The following USP38 variants were observed in gnomAD, a reference collection of about 807,000 sequenced individuals.
The protein encoded by USP38 is ubiquitin specific peptidase 38.
USP38 carries 49 observed loss-of-function variants against 94.3 expected under a neutral mutation model. The ratio of observed to expected loss-of-function variants is 0.52; its 90% confidence interval spans 0.41 to 0.66. The LOEUF (loss-of-function observed/expected upper bound fraction) is 0.66, where lower values mean the gene tolerates loss of function less well. Ranked by LOEUF, USP38 falls within the 30% of genes least tolerant of loss-of-function variation. USP38 has a pLI of 0.00. For missense variants in USP38, 1,128 were observed against 1,229.4 expected (o/e 0.92, Z 1.23); for synonymous variants, 468 against 463.6 (o/e 1.01, Z -0.12).
intron 2 of USP38, among the ~76,000 whole-genome samples, chr4:143,191,699 G>T (rs1731400915): frequency 6.6e-6 from 1 of 152,138 alleles, no homozygotes; most frequent in South Asian, 2.1e-4. Flanking sequence ...ACTAAGTGCT[G>T]GGAATCCAAA....
At position 143,185,205 on chromosome 4, in the gene USP38, C is replaced by T. The variant is rs376172337; in HGVS notation, c.-246C>T. 2.2e-5 allele frequency: 10 copies of T among 454,794 alleles called. No individual in the cohort carries two copies. The East Asian group carries it at 3.8e-4, about 17-fold the overall frequency. 28.2% of individuals were successfully genotyped at this position (454,794 alleles called of 1,614,324 possible). On this transcript the variant is annotated 5_prime_UTR_variant, in exon 1 of 10. Coordinates refer to ENST00000307017, the MANE Select transcript of USP38 (RefSeq NM_032557.6). ...CCCGGGGCGGCGGCGGAGTACGGGCCTCTGGCGCCTTAGGCCAGCCGCAGG... is the reference window on the plus strand; with the variant it reads ...CCCGGGGCGGCGGCGGAGTACGGGCTTCTGGCGCCTTAGGCCAGCCGCAGG...
chr4:143,215,446 G>C (rs1732160405), intron 9 of USP38: 1 of 152,338 alleles, frequency 6.6e-6, no homozygotes, highest in African/African-American at 2.4e-5. Flanking sequence ...GGAGATAATA[G>C]AACAATTGTA....
chr4:143,206,272 G>A, intron 6 of USP38, 46 bp downstream of exon 6: 3 of 1,408,124 alleles, frequency 2.1e-6, no homozygotes, highest in South Asian at 1.5e-5. Context: ...AGAAGTTGAT[G>A]CATGCTGATG....
In USP38 at chr4:143,185,678, C is replaced by T; in HGVS notation, c.228C>T (p.Phe76=). ...EAYARYHRPE[F]ESFFNKTFVL... is the part of the protein sequence containing the mutation. The stretch of plus-strand genomic sequence containing the variant: ...ACGCACGATACCACCGGCCAGAGTT[C>T]GAGTCCTTCTTCAACAAGACCTTCG... Residue 76 remains phenylalanine (F), a synonymous_variant, in exon 1 of 10, where the codon TTC becomes TTT. Coordinates refer to ENST00000307017, the MANE Select transcript of USP38 (RefSeq NM_032557.6). 1 of 1,614,158 alleles carries T rather than the reference C, an allele frequency of 6.2e-7. No individual in the cohort carries two copies. The highest frequency in any genetic ancestry group is 8.5e-7 in the Non-Finnish European group (1 of 1,180,022).
chr4:143,219,685 C>T (rs1732273882), intron 9 of USP38, among the ~76,000 whole-genome samples: 1 of 152,018 alleles, frequency 6.6e-6, no homozygotes, highest in Non-Finnish European at 1.5e-5. Flanking sequence ...AGTTGTATAC[C>T]TTGCCAAATG....
chr4:143,199,606 T>A (rs1294877209), intron 4 of USP38, among the ~76,000 whole-genome samples: 1 of 152,194 alleles, frequency 6.6e-6, no homozygotes, highest in Non-Finnish European at 1.5e-5. Context: ...CCACCAAGTG[T>A]ATAAGTGTTC....
intron 4 of USP38, among the ~76,000 whole-genome samples, chr4:143,201,728 A>G (rs561663028): frequency 6.6e-6 from 1 of 152,274 alleles, no homozygotes; most frequent in South Asian, 2.1e-4. Flanking sequence ...GCAGATAGGA[A>G]TAATGGAGAA....
intron 5 of USP38, 77 bp downstream of exon 5, chr4:143,203,643 C>A (rs1189798604): frequency 1.4e-6 from 2 of 1,433,922 alleles, no homozygotes; most frequent in Non-Finnish European, 1.9e-6. Context: ...ACCAGCTACT[C>A]AATTTACTAT....
chr4:143,213,541 G>A, intron 8 of USP38, 40 bp from the exon 9 acceptor site: 1 of 1,501,386 alleles, frequency 6.7e-7, no homozygotes, highest in Non-Finnish European at 8.9e-7. Context: ...GACATTTGAA[G>A]TTAATTTAAG....
rs1732115115 is a variant in USP38 at position 143,214,163 on chromosome 4, G to A, written c.2187G>A (p.Glu729=). ...TDLLNYFLAP[E]ILTGDNQYYC... ...TACTAAATTATTTTTTGGCTCCAGA[G>A]ATTCTTACTGGTGATAACCAATATT... The change falls in exon 9 of 10, where the codon GAG becomes GAA. Residue 729 remains glutamate, a synonymous_variant. Transcript: ENST00000307017. 2 of 1,612,860 alleles carry A rather than the reference G, an allele frequency of 1.2e-6. No homozygotes were observed. Among genetic ancestry groups the A allele is most frequent in the Admixed American group, 1.7e-5 (1 of 59,790 alleles).
chr4:143,204,661 CAT>C, intron 5 of USP38: 2 of 296,508 alleles, frequency 6.7e-6, no homozygotes, highest in Non-Finnish European at 1.3e-5. Flanking sequence ...GGATTACAGG[CAT>C]GAGCCACTGT....
In USP38 at chr4:143,185,004, G is replaced by T. The variant is rs1356913811; in HGVS notation, c.-447G>T. 3 of 162,694 alleles carry T rather than the reference G, an allele frequency of 1.8e-5. No individual in the cohort carries two copies. Among genetic ancestry groups the T allele is most frequent in the Non-Finnish European group, 2.6e-5 (2 of 75,580 alleles). 10.1% of individuals were successfully genotyped at this position (162,694 alleles called of 1,614,324 possible). On this transcript the variant is annotated 5_prime_UTR_variant, in exon 1 of 10. Coordinates refer to ENST00000307017, the MANE Select transcript of USP38 (RefSeq NM_032557.6). ...CTCCGTGACAGCGCCTCCTGACTCA[G>T]CCCAGGACCGGCTTCTTCTCACGAC... is the stretch of plus-strand genomic sequence containing the variant.
At chr4:143,200,130 T>C (rs1731670346) in intron 4 of USP38, among the ~76,000 whole-genome samples, 1 of 152,118 alleles carries the variant, frequency 6.6e-6, no homozygotes, top group Non-Finnish European at 1.5e-5. Flanking sequence ...CTTGATGTAA[T>C]GAACATCGAT....
intron 4 of USP38, among the ~76,000 whole-genome samples, chr4:143,198,331 C>A (rs1311847136): frequency 6.6e-6 from 1 of 152,192 alleles, no homozygotes; most frequent in African/African-American, 2.4e-5. Flanking sequence ...GTTGACCCCA[C>A]CTTTAAAATA....
rs769547528 is a variant in USP38 at position 143,213,759 on chromosome 4, C to G, written c.1783C>G (p.Arg595Gly). ...LIEKMFGGKL[R>G]THIRCLNCRS... ...AGAAAAAATGTTTGGAGGAAAACTACGAACTCACATACGTTGTTTGAACTG... is the reference window on the plus strand; with the variant it reads ...AGAAAAAATGTTTGGAGGAAAACTAGGAACTCACATACGTTGTTTGAACTG... Residue 595 changes from arginine (R) to glycine (G), a missense_variant, in exon 9 of 10, where the codon CGA becomes GGA. Transcript: ENST00000307017. 3 of 1,613,686 alleles carry G rather than the reference C, an allele frequency of 1.9e-6. No individual in the cohort carries two copies. Among genetic ancestry groups the G allele is most frequent in the African/African-American group, 2.7e-5 (2 of 75,010 alleles).
chr4:143,189,576 C>A (rs1049021875), intron 2 of USP38, among the ~76,000 whole-genome samples: 1 of 152,012 alleles, frequency 6.6e-6, no homozygotes, highest in East Asian at 1.9e-4. Flanking sequence ...CTTTTCACTT[C>A]ATTGTTTAAA....
chr4:143,214,518 C>T lies in USP38; in HGVS notation c.2542C>T (p.His848Tyr). The T allele has an allele frequency of 6.2e-7, 1 of 1,613,552 alleles. No individual in the cohort carries two copies. Among genetic ancestry groups the T allele is most frequent in the Non-Finnish European group, 8.5e-7 (1 of 1,179,790 alleles). Residue 848 changes from histidine (H) to tyrosine (Y), a missense_variant, in exon 9 of 10, where the codon CAC (histidine) becomes TAC (tyrosine). Physicochemically the swap from His to Tyr is moderately conservative, Grantham distance 83 (BLOSUM62 2). Transcript: ENST00000307017. The stretch of plus-strand genomic sequence containing the variant: ...CTATCTATTAAGTTCCGTTGTGGTT[C>T]ACTCTGGTATATCCTCTGAAAGTGG... ...VPYLLSSVVV[H>Y]SGISSESGHY...
intron 5 of USP38, chr4:143,204,570 G>A (rs554681589): frequency 5.6e-6 from 2 of 355,972 alleles, no homozygotes; most frequent in Admixed American, 3.9e-5. Flanking sequence ...TTTATTTTTT[G>A]TAGAGTCGGG....
chr4:143,208,894 C>T (rs1256515789), intron 6 of USP38, among the ~76,000 whole-genome samples: 1 of 150,398 alleles, frequency 6.6e-6, no homozygotes, highest in Non-Finnish European at 1.5e-5. Context: ...ATATCTAGCT[C>T]ATTAGTCCTG....
Sources: allele counts gnomAD v4.1 joint callset (sites outside exome capture counted in the v4.1 genomes callset), GRCh38; gene constraint gnomAD v4.1.1; transcripts MANE v1.5; gene names NCBI Gene and HGNC (gene_info 2026-07-23, HGNC 2026-07-21).